Variants in SENP7 observed in about 807,000 individuals in gnomAD.
SENP7 encodes sentrin-specific protease 7.
Under a neutral mutation model 141.2 loss-of-function variants are expected in SENP7, and 64 were observed. That is an observed-to-expected ratio of 0.45 (90% CI 0.37 to 0.56). SENP7 has a LOEUF of 0.56. Among genes scored for constraint, SENP7 ranks in the 20% least tolerant of loss-of-function variants. The pLI, the probability that SENP7 is intolerant of heterozygous loss-of-function variation, is 0.00. For synonymous variants in SENP7, 382 were observed against 426.4 expected (o/e 0.90, Z 1.28); for missense variants, 1,025 against 1,212.2 (o/e 0.85, Z 2.29).
intron 4 of SENP7, among the ~76,000 whole-genome samples, chr3:101,440,793 T>C (rs1417337088): frequency 6.6e-6 from 1 of 152,038 alleles, no homozygotes; most frequent in Non-Finnish European, 1.5e-5. Flanking sequence ...CAGCAACGTA[T>C]TAAGAATATT....
rs1231954765 is a variant in SENP7 at position 101,398,985 on chromosome 3, CA to C, written c.552del (p.Val185Ter). The part of the protein sequence containing the change: ...ELGRKYIRTP[P>X]VTEGSLSDTD... ...GTATCACTCAAACTTCCCTCAGTTA[CA>C]GGTGGGGTCCTTATGTATTTTCTTC... On this transcript the variant is annotated frameshift_variant, in exon 6 of 24. Coordinates refer to ENST00000394095, the MANE Select transcript of SENP7 (RefSeq NM_020654.5). LOFTEE classifies it high-confidence loss of function. 1 of 1,613,602 alleles carries C rather than the reference CA, an allele frequency of 6.2e-7. No individual in the cohort carries two copies. Among genetic ancestry groups the C allele is most frequent in the African/African-American group, 1.3e-5 (1 of 74,900 alleles).
chr3:101,472,989 A>G (rs555535349), intron 3 of SENP7, among the ~76,000 whole-genome samples: 1 of 152,282 alleles, frequency 6.6e-6, no homozygotes, highest in East Asian at 1.9e-4. Flanking sequence ...GCTCCCACTT[A>G]TAAGTGAGAA....
intron 6 of SENP7, among the ~76,000 whole-genome samples, chr3:101,382,320 G>A (rs1325171759): frequency 6.6e-6 from 1 of 151,908 alleles, no homozygotes; most frequent in Non-Finnish European, 1.5e-5. Flanking sequence ...AGGACTACAG[G>A]CACACAGTAC....
Position 101,462,434 on chromosome 3 carries a change from G to A in SENP7, c.187-3382C>T, listed in dbSNP as rs142835342. Among the ~76,000 whole-genome samples, 414 of 152,054 alleles carry A rather than the reference G, an allele frequency of 2.7e-3. 5 individuals are homozygous for A. The highest frequency in any genetic ancestry group is 0.017 in the East Asian group (87 of 5,180). On this transcript the variant is annotated intron_variant, in intron 3 of 23. Coordinates refer to ENST00000394095, the MANE Select transcript of SENP7 (RefSeq NM_020654.5). ...CACATGCCTATAATCCCAGCTACTC[G>A]GGAGGCTGAGGCAGAAGAATCACTT...
At chr3:101,348,223 C>T (rs7622500) in intron 12 of SENP7, among the ~76,000 whole-genome samples, 172 bp from the exon 13 acceptor site, 1 of 151,822 alleles carries the variant, frequency 6.6e-6, no homozygotes. Flanking sequence ...AAAATGCCCC[C>T]AGCAGTATTA....
chr3:101,422,412 C>T (rs959556120), intron 4 of SENP7, among the ~76,000 whole-genome samples: 1 of 152,138 alleles, frequency 6.6e-6, no homozygotes, highest in Non-Finnish European at 1.5e-5. Flanking sequence ...TAAAATCTAC[C>T]TTATTAAAAA....
At chr3:101,462,679 G>A (rs541514299) in intron 3 of SENP7, among the ~76,000 whole-genome samples, 1 of 151,068 alleles carries the variant, frequency 6.6e-6, no homozygotes, top group African/African-American at 2.4e-5. Flanking sequence ...ACCAGCCTGG[G>A]CAACACGATG....
chr3:101,397,348 G>C (rs2060999888), intron 6 of SENP7, among the ~76,000 whole-genome samples: 1 of 151,850 alleles, frequency 6.6e-6, no homozygotes, highest in Admixed American at 6.6e-5. Flanking sequence ...TCCTAGGCTG[G>C]TCTTGAACTC....
intron 12 of SENP7, among the ~76,000 whole-genome samples, chr3:101,350,212 C>G (rs1449275472): frequency 6.6e-6 from 1 of 152,098 alleles, no homozygotes; most frequent in Non-Finnish European, 1.5e-5. Context: ...GTCATGTGCC[C>G]CCGATGACCA....
chr3:101,432,750 G>C (rs554125390), intron 4 of SENP7, among the ~76,000 whole-genome samples: 3 of 152,288 alleles, frequency 2.0e-5, no homozygotes, highest in Non-Finnish European at 1.5e-5. Context: ...CTAAAGCTTA[G>C]AGCATAACAC....
At chr3:101,460,067 T>C (rs1300521788) in intron 3 of SENP7, among the ~76,000 whole-genome samples, 1 of 152,182 alleles carries the variant, frequency 6.6e-6, no homozygotes, top group Non-Finnish European at 1.5e-5. Flanking sequence ...AGACATCCCC[T>C]AATCAAGGAC....
intron 4 of SENP7, chr3:101,457,609 C>G (rs2063397435): frequency 6.4e-7 from 1 of 1,572,990 alleles, no homozygotes. Context: ...AGTTTTTTAT[C>G]ATCTGCTGTG....
At chr3:101,327,405 C>G (rs2058931659) in intron 23 of SENP7, among the ~76,000 whole-genome samples, 9 of 152,008 alleles carry the variant, frequency 5.9e-5, no homozygotes, top group Admixed American at 5.9e-4. Flanking sequence ...GGGGCTTCCC[C>G]CTTCGCTCAG....
At chr3:101,482,803 C>T (rs2064553721) in intron 3 of SENP7, among the ~76,000 whole-genome samples, 1 of 151,302 alleles carries the variant, frequency 6.6e-6, no homozygotes, top group Non-Finnish European at 1.5e-5. Context: ...AAAAATAGAC[C>T]CAAATAAATA....
At chr3:101,343,983 A>G in intron 13 of SENP7, 29 bp from the exon 14 acceptor site, 1 of 1,374,648 alleles carries the variant, frequency 7.3e-7, no homozygotes. Flanking sequence ...ATTTGTATCA[A>G]TAGTATTATT....
intron 23 of SENP7, among the ~76,000 whole-genome samples, chr3:101,327,446 A>G (rs1020205892): frequency 6.6e-6 from 1 of 152,038 alleles, no homozygotes; most frequent in African/African-American, 2.4e-5. Context: ...GCTATCATGT[A>G]AAAAAGGATA....
chr3:101,374,771 CA>C (rs58234121), intron 6 of SENP7, among the ~76,000 whole-genome samples: 1,166 of 106,708 alleles, frequency 0.011, 10 homozygotes, highest in African/African-American at 0.031. Flanking sequence ...GGCTCTGTCT[CA>C]AAAAAAAAAA....
chr3:101,408,244 C>A (rs1444350789), intron 5 of SENP7, among the ~76,000 whole-genome samples: 2 of 151,958 alleles, frequency 1.3e-5, no homozygotes, highest in South Asian at 2.1e-4. Context: ...GAATTAGGTA[C>A]CCTGAACAGA....
At chr3:101,379,534 C>T (rs1369184143) in intron 6 of SENP7, among the ~76,000 whole-genome samples, 1 of 152,090 alleles carries the variant, frequency 6.6e-6, no homozygotes, top group Non-Finnish European at 1.5e-5. Flanking sequence ...CTTGAATAAA[C>T]ATTTCTCTAA....
Sources: allele counts gnomAD v4.1 joint callset (sites outside exome capture counted in the v4.1 genomes callset), GRCh38; gene constraint gnomAD v4.1.1; transcripts MANE v1.5; gene names NCBI Gene and HGNC (gene_info 2026-07-23, HGNC 2026-07-21).